Variants in INO80D observed in about 807,000 individuals in gnomAD.
The protein encoded by INO80D is INO80 complex subunit D.
Under a neutral mutation model 87.6 loss-of-function variants are expected in INO80D, and 21 were observed. The observed-to-expected ratio is 0.24, with a 90% CI of 0.17 to 0.35. The LOEUF (loss-of-function observed/expected upper bound fraction) is 0.35. INO80D is among the 10% of genes least tolerant of loss of function. INO80D has a pLI of 1.00. For synonymous variants in INO80D, 440 were observed against 491.0 expected (o/e 0.90, Z 1.37); for missense variants, 982 against 1,280.7 (o/e 0.77, Z 3.56).
At position 206,062,721 on chromosome 2, in the gene INO80D, G is replaced by A. The variant is rs1689718383; in HGVS notation, c.218+78C>T. On this transcript the variant is annotated intron_variant, in intron 3 of 10. Coordinates refer to ENST00000403263, the MANE Select transcript of INO80D (RefSeq NM_017759.5). The surrounding 1 kb of genome is among the most constrained non-coding windows in gnomAD (Gnocchi z 4.6). ...GGGAGAAATGAAGGACAGAAGAAAA[G>A]AGAAGAAAAAACAAGAAAAGAAAAA... 1 of 1,206,402 alleles carries A rather than the reference G, an allele frequency of 8.3e-7. No homozygotes were observed. The highest frequency in any genetic ancestry group is 1.2e-6 in the Non-Finnish European group (1 of 856,750). 74.7% of individuals were successfully genotyped at this position (1,206,402 alleles called of 1,614,324 possible).
rs1343902890 is a variant in INO80D, at chr2:205,997,428, A to G, written c.*6940T>C. The G allele has an allele frequency of 6.6e-6, 1 of 152,136 alleles. No homozygotes were observed. The highest frequency in any genetic ancestry group is 6.5e-5 in the Admixed American group (1 of 15,268). The allele number at this position is 152,136 out of a possible 1,614,324, so 9.4% of individuals were successfully genotyped here. ...GGTGAAATGATCCCACCAACTCCTT[A>G]AACAAAGCAGCCCCTTCCAAAAATT... On this transcript the variant is annotated 3_prime_UTR_variant, in exon 11 of 11. Transcript: ENST00000403263.
intron 5 of INO80D, among the ~76,000 whole-genome samples, chr2:206,039,517 A>C (rs994673660): frequency 3.9e-5 from 6 of 152,166 alleles, no homozygotes; most frequent in Admixed American, 2.6e-4. Flanking sequence ...ACTCTTACAA[A>C]TAAAAAATTA....
chr2:206,075,478 C>T (rs1690088876), intron 1 of INO80D, among the ~76,000 whole-genome samples: 2 of 151,550 alleles, frequency 1.3e-5, no homozygotes, highest in Admixed American at 1.3e-4. Flanking sequence ...ATTCTGTTGC[C>T]CAGGCTGGAG....
chr2:206,061,250 G>A (rs146653223), intron 3 of INO80D, among the ~76,000 whole-genome samples: 1 of 151,264 alleles, frequency 6.6e-6, no homozygotes, highest in Non-Finnish European at 1.5e-5. Flanking sequence ...AGGCTCAAGC[G>A]ATCCACCGCC....
rs1687996914 is a variant in INO80D, at chr2:206,005,344, T to C, written c.2108A>G (p.Gln703Arg). The C allele has an allele frequency of 6.2e-7, 1 of 1,614,014 alleles. No homozygotes were observed. Residue 703 changes from glutamine (Q) to arginine (R), a missense_variant, in exon 11 of 11, where the codon CAA becomes CGA. Gln to Arg is a conservative substitution (Grantham distance 43, BLOSUM62 1). Transcript: ENST00000403263. ...TGTGTTCACCTCTCGGCTCAAGGAT[T>C]GTATTCCTGAAGCTCCAGTACCTGT... ...FSTGTGASGIQSLSREVNTDL... is the reference protein window; with the variant it reads ...FSTGTGASGIRSLSREVNTDL...
intron 1 of INO80D, among the ~76,000 whole-genome samples, chr2:206,083,180 G>A (rs1225530011): frequency 6.6e-6 from 1 of 152,192 alleles, no homozygotes; most frequent in Non-Finnish European, 1.5e-5. Flanking sequence ...AGGCGATCAG[G>A]TTAGGAAATT....
At chr2:206,018,835 C>T (rs1688386853) in intron 7 of INO80D, among the ~76,000 whole-genome samples, 1 of 152,054 alleles carries the variant, frequency 6.6e-6, no homozygotes, top group Non-Finnish European at 1.5e-5. Flanking sequence ...CCAGGGAGGT[C>T]GAGGCTGCAG....
rs796169632 is a variant in INO80D at position 206,034,463 on chromosome 2, TA to T, written c.1074-6129del. On this transcript the variant is annotated intron_variant, in intron 5 of 10. Transcript: ENST00000403263. ...CATAAGCAAGTCAAGAAATGCAATA[TA>T]CCACATAAACAGAATCAAAAATAAA... Among the ~76,000 whole-genome samples, 21 of 152,148 alleles carry T rather than the reference TA, an allele frequency of 1.4e-4. No individual in the cohort carries two copies. The East Asian group carries it at 2.7e-3, about 20-fold the overall frequency.
At position 205,999,255 on chromosome 2, in the gene INO80D, C is replaced by T. The variant is rs113001967; in HGVS notation, c.*5113G>A. The T allele has an allele frequency of 6.6e-6, 1 of 152,184 alleles. No individual in the cohort carries two copies. The highest frequency in any genetic ancestry group is 2.4e-5 in the African/African-American group (1 of 41,424). 9.4% of individuals were successfully genotyped at this position (152,184 alleles called of 1,614,324 possible). A position where few individuals can be genotyped will look rare whatever the true frequency, so the allele number is the denominator to read the frequency against. ...GAAGAGGATTCTATGACTCTTCGGG[C>T]GGGATGGGTACAGATCATATGTGCG... On this transcript the variant is annotated 3_prime_UTR_variant, in exon 11 of 11. Coordinates refer to ENST00000403263, the MANE Select transcript of INO80D (RefSeq NM_017759.5).
chr2:206,014,315 G>A (rs1559433529), intron 8 of INO80D, among the ~76,000 whole-genome samples: 2 of 152,158 alleles, frequency 1.3e-5, no homozygotes, highest in South Asian at 2.1e-4. Flanking sequence ...AATAAAACAA[G>A]TTCTTGGTGA....
In INO80D at chr2:206,004,695, G is replaced by A. The variant is rs559123531; in HGVS notation, c.2757C>T (p.Ser919=). ...CTGAGTTCGAAGTGGTGGGTGGCGT[G>A]GATAGGGAAGTGGAAAGAAGATGTC... is the stretch of plus-strand genomic sequence containing the variant. The part of the protein sequence containing the change: ...ADGHLLSTSL[S]TPPTTSNSET... The change falls in exon 11 of 11, where the codon TCC becomes TCT. Residue 919 remains serine (S), a synonymous_variant. Coordinates refer to ENST00000403263, the MANE Select transcript of INO80D (RefSeq NM_017759.5). This position sits in a 1 kb window ranked among gnomAD's most constrained non-coding sequence, Gnocchi z 4.9. 6.2e-5 allele frequency: 100 copies of A among 1,613,936 alleles called. 1 individual carries two copies. The South Asian group carries it at 1.0e-3, about 16-fold the overall frequency.
At position 205,994,565 on chromosome 2, in the gene INO80D, T is replaced by C. The variant is rs1258945014; in HGVS notation, c.*9803A>G. 6.6e-6 allele frequency: 1 copy of C among 152,152 alleles called. No individual in the cohort carries two copies. Among genetic ancestry groups the C allele is most frequent in the African/African-American group, 2.4e-5 (1 of 41,444 alleles). The allele number at this position is 152,152 out of a possible 1,614,324, so 9.4% of individuals were successfully genotyped here. A position where few individuals can be genotyped will look rare whatever the true frequency, so the allele number is the denominator to read the frequency against. ...TTTTTGTTAAAGGCTACTTCTGATA[T>C]CAGGTTCCAGCTAAGCTACTCAGTA... On this transcript the variant is annotated 3_prime_UTR_variant, in exon 11 of 11. Transcript: ENST00000403263.
intron 6 of INO80D, among the ~76,000 whole-genome samples, chr2:206,026,051 C>T (rs970707920): frequency 6.6e-6 from 1 of 152,108 alleles, no homozygotes; most frequent in Non-Finnish European, 1.5e-5. Flanking sequence ...GTGCACGCCA[C>T]CACACCTGGC....
intron 5 of INO80D, among the ~76,000 whole-genome samples, chr2:206,043,291 C>T (rs1425558398): frequency 6.6e-6 from 1 of 152,028 alleles, no homozygotes; most frequent in Admixed American, 6.6e-5. Flanking sequence ...TCTGCCTCAG[C>T]CTCCTGAGTA....
intron 1 of INO80D, among the ~76,000 whole-genome samples, chr2:206,072,396 C>G (rs1689997698): frequency 6.6e-6 from 1 of 151,940 alleles, no homozygotes; most frequent in Non-Finnish European, 1.5e-5. Flanking sequence ...CTGCCTCAGC[C>G]TCCTGAGTAG....
At chr2:206,083,660 C>T (rs1690345085) in intron 1 of INO80D, among the ~76,000 whole-genome samples, 1 of 152,126 alleles carries the variant, frequency 6.6e-6, no homozygotes, top group Admixed American at 6.6e-5. Context: ...AGAAGAATCA[C>T]ATGAGTCTCA....
chr2:206,059,747 GTGTGTGTC>G lies in INO80D; in HGVS notation c.219-2812_219-2805del, dbSNP rs772279856. ...AGCAAAGAGAATCTACACCGTGTGT[GTGTGTGTC>G]TGTGTGTCTGTGTGCTTCCCTAGCA... is the stretch of plus-strand genomic sequence containing the variant. On this transcript the variant is annotated intron_variant, in intron 3 of 10. Transcript: ENST00000403263. Among the ~76,000 whole-genome samples the G allele has an allele frequency of 1.7e-4, 26 of 152,278 alleles. No individual in the cohort carries two copies. In the South Asian group the frequency reaches 4.8e-3, roughly 28 times the overall value.
Position 206,003,785 on chromosome 2 carries a change from C to T in INO80D, c.*583G>A, listed in dbSNP as rs1003325468. ...GCTTCCTGCACTGCACAAAAACACA[C>T]GCGTGGGCACACGCATACTCACAGG... On this transcript the variant is annotated 3_prime_UTR_variant, in exon 11 of 11. Transcript: ENST00000403263. 9.5e-5 allele frequency: 15 copies of T among 158,696 alleles called. No homozygotes were observed. The highest frequency in any genetic ancestry group is 1.5e-4 in the Non-Finnish European group (11 of 71,398). 9.8% of individuals were successfully genotyped at this position (158,696 alleles called of 1,614,324 possible).
At chr2:206,027,990 C>T (rs1688662367) in intron 6 of INO80D, 121 bp downstream of exon 6, 1 of 591,144 alleles carries the variant, frequency 1.7e-6, no homozygotes, top group African/African-American at 1.9e-5. Flanking sequence ...AAAACCAAAA[C>T]ATAATGCTTA....
Sources: gnomAD v4.1 joint callset for allele counts (sites outside exome capture counted in the v4.1 genomes callset) on GRCh38, gnomAD v4.1.1 for gene constraint, Gnocchi (gnomAD v3.1) non-coding constraint, MANE v1.5 for transcripts, NCBI Gene and HGNC (gene_info 2026-07-23, HGNC 2026-07-21) for gene names.